Variants in CADM2 observed in about 807,000 individuals in gnomAD.
CADM2 encodes immunoglobulin superfamily member 4D.
A neutral mutation model predicts 49.8 loss-of-function variants in CADM2; 12 were observed. That is an observed-to-expected ratio of 0.24 (90% CI 0.15 to 0.39). CADM2 has a LOEUF of 0.39. CADM2 is among the 10% of genes least tolerant of loss of function. The pLI, the probability that CADM2 is intolerant of heterozygous loss-of-function variation, is 1.00. For synonymous variants in CADM2, 214 were observed against 175.4 expected (o/e 1.22, Z -1.74); for missense variants, 378 against 492.3 (o/e 0.77, Z 2.20).
At chr3:85,612,367 G>A (rs571323347) in intron 1 of CADM2, among the ~76,000 whole-genome samples, 115 of 151,696 alleles carry the variant, frequency 7.6e-4, no homozygotes, top group African/African-American at 2.6e-3. Context: ...ATAGTGTCTG[G>A]GTTTCTAATT....
chr3:85,103,220 T>A (rs1240224293), intron 1 of CADM2, among the ~76,000 whole-genome samples: 3 of 152,146 alleles, frequency 2.0e-5, no homozygotes, highest in Admixed American at 6.6e-5. Context: ...AGATCAGAGG[T>A]TTCAGATGAC....
At chr3:85,910,813 A>G (rs1717482672) in intron 5 of CADM2, among the ~76,000 whole-genome samples, 1 of 152,048 alleles carries the variant, frequency 6.6e-6, no homozygotes, top group South Asian at 2.1e-4. Flanking sequence ...GACATATCAC[A>G]TCTATCATTT....
intron 8 of CADM2, among the ~76,000 whole-genome samples, chr3:85,995,691 A>G (rs1347764599): frequency 1.3e-5 from 2 of 152,200 alleles, no homozygotes; most frequent in African/African-American, 4.8e-5. Flanking sequence ...ATGATTAGTG[A>G]TAGGTATTCT....
At chr3:85,974,981 T>A (rs139450251) in intron 8 of CADM2, among the ~76,000 whole-genome samples, 81 of 151,698 alleles carry the variant, frequency 5.3e-4, no homozygotes, top group Middle Eastern at 3.4e-3. Flanking sequence ...TCTTTACTTT[T>A]CTCAGCTTCC....
Position 85,802,121 on chromosome 3 carries a change from G to C in CADM2, c.163G>C (p.Val55Leu). 6.2e-7 allele frequency: 1 copy of C among 1,613,438 alleles called. No homozygotes were observed. Among genetic ancestry groups the C allele is most frequent in the Non-Finnish European group, 8.5e-7 (1 of 1,179,638 alleles). Residue 55 changes from valine to leucine, a missense_variant, in exon 3 of 10, where the codon GTT becomes CTT. Coordinates refer to ENST00000383699, the MANE Select transcript of CADM2 (RefSeq NM_001167675.2). ...EGGTAILTCR[V>L]DQNDNTSLQW... ...TGGAACTGCAATTTTGACCTGCAGG[G>C]TTGATCAAAATGATAACACCTCCCT...
chr3:85,825,327 G>A (rs903374861), intron 3 of CADM2, among the ~76,000 whole-genome samples: 1 of 151,986 alleles, frequency 6.6e-6, no homozygotes, highest in Non-Finnish European at 1.5e-5. Context: ...AATAGCTCAT[G>A]GACCAGAAAA....
At chr3:85,460,710 G>A (rs552582203) in intron 1 of CADM2, among the ~76,000 whole-genome samples, 14 of 150,034 alleles carry the variant, frequency 9.3e-5, no homozygotes, top group Middle Eastern at 3.4e-3. Flanking sequence ...AATTATTTTC[G>A]TGTGTGGGTG....
intron 1 of CADM2, among the ~76,000 whole-genome samples, chr3:85,088,426 G>A (rs949615095): frequency 1.3e-5 from 2 of 152,038 alleles, no homozygotes; most frequent in Non-Finnish European, 2.9e-5. Flanking sequence ...AAACTTAAAA[G>A]TATGCAACTC....
chr3:85,753,843 G>A (rs1270856607), intron 2 of CADM2, among the ~76,000 whole-genome samples: 18 of 152,254 alleles, frequency 1.2e-4, no homozygotes, highest in Admixed American at 1.0e-3. Flanking sequence ...GGGGCAAAAG[G>A]CAGAGTGAGA....
At chr3:85,866,373 G>T (rs1252964010) in intron 3 of CADM2, among the ~76,000 whole-genome samples, 2 of 152,074 alleles carry the variant, frequency 1.3e-5, no homozygotes, top group Non-Finnish European at 2.9e-5. Flanking sequence ...CCTTCTGCAG[G>T]TTTCAGTCAC....
chr3:85,701,858 A>AAGAT (rs56934991), intron 1 of CADM2, among the ~76,000 whole-genome samples: 8,846 of 146,706 alleles, frequency 0.06, 275 homozygotes, highest in East Asian at 0.1. Flanking sequence ...TCTGTTGTAA[A>AAGAT]AGATAGATAG....
At chr3:85,057,113 A>G (rs958551161) in intron 1 of CADM2, among the ~76,000 whole-genome samples, 36 of 152,160 alleles carry the variant, frequency 2.4e-4, no homozygotes, top group African/African-American at 7.0e-4. Flanking sequence ...CAGATTTCTT[A>G]AACAGATGAA....
intron 1 of CADM2, among the ~76,000 whole-genome samples, chr3:85,484,445 T>C (rs2039336244): frequency 6.6e-6 from 1 of 151,966 alleles, no homozygotes; most frequent in Admixed American, 6.6e-5. Context: ...TCTACAGTGC[T>C]TCTCCCTACC....
intron 1 of CADM2, among the ~76,000 whole-genome samples, chr3:85,174,774 G>T (rs1251722989): frequency 6.6e-6 from 1 of 152,056 alleles, no homozygotes; most frequent in Non-Finnish European, 1.5e-5. Flanking sequence ...GAAAAGGAAA[G>T]GGGAAGATAG....
chr3:85,409,076 A>G (rs1012584773), intron 1 of CADM2, among the ~76,000 whole-genome samples: 1 of 152,216 alleles, frequency 6.6e-6, no homozygotes, highest in African/African-American at 2.4e-5. Flanking sequence ...CATTTATGCC[A>G]GAGTCATGCC....
chr3:85,467,488 T>C (rs1462613118), intron 1 of CADM2, among the ~76,000 whole-genome samples: 1 of 152,178 alleles, frequency 6.6e-6, no homozygotes, highest in Non-Finnish European at 1.5e-5. Flanking sequence ...GTAAATTGGA[T>C]GTTTATGTCA....
intron 8 of CADM2, among the ~76,000 whole-genome samples, chr3:85,985,369 T>C (rs1183782275): frequency 6.6e-6 from 1 of 151,968 alleles, no homozygotes; most frequent in African/African-American, 2.4e-5. Flanking sequence ...CCCCAGCTCT[T>C]AATATCATCA....
At chr3:85,509,230 G>T (rs2040499394) in intron 1 of CADM2, among the ~76,000 whole-genome samples, 1 of 152,068 alleles carries the variant, frequency 6.6e-6, no homozygotes, top group Non-Finnish European at 1.5e-5. Context: ...CAAAAGCTGG[G>T]GGCAGTAGCA....
chr3:85,825,712 T>C (rs1306432778), intron 3 of CADM2, among the ~76,000 whole-genome samples: 1 of 152,134 alleles, frequency 6.6e-6, no homozygotes, highest in African/African-American at 2.4e-5. Context: ...CTTTGTTTTT[T>C]AGTCACTGTG....
Sources: gnomAD v4.1 joint callset for allele counts (sites outside exome capture counted in the v4.1 genomes callset) on GRCh38, gnomAD v4.1.1 for gene constraint, MANE v1.5 for transcripts, NCBI Gene and HGNC (gene_info 2026-07-23, HGNC 2026-07-21) for gene names.